The following BCKDHB variants were observed in gnomAD, a reference collection of about 807,000 sequenced individuals.
BCKDHB encodes branched chain keto acid dehydrogenase E1 subunit beta, also known as 2-oxoisovalerate dehydrogenase subunit beta, mitochondrial.
BCKDHB carries 41 observed loss-of-function variants against 48.5 expected under a neutral mutation model. That is an observed-to-expected ratio of 0.85 (90% confidence interval 0.66 to 1.10). The LOEUF (loss-of-function observed/expected upper bound fraction) is 1.10. BCKDHB is among the 50% of genes least tolerant of loss of function. The probability of loss-of-function intolerance (pLI) is 0.00; values close to 1 mark genes in which losing one functional copy is unlikely to be tolerated. For missense variants in BCKDHB, 496 were observed against 494.2 expected (o/e 1.00, Z -0.03); for synonymous variants, 201 against 174.8 (o/e 1.15, Z -1.18).
At chr6:80,464,725 C>T in the BCKDHB span, among the ~76,000 whole-genome samples, 5 of 152,198 alleles carry the variant, frequency 3.3e-5, no homozygotes, top group Admixed American at 1.3e-4. Flanking sequence ...CATTATACTG[C>T]TCTTCCACAT....
chr6:80,427,948 G>A, the BCKDHB span, among the ~76,000 whole-genome samples: 149 of 152,012 alleles, frequency 9.8e-4, no homozygotes, highest in African/African-American at 3.3e-3. Context: ...TTGTCAGATA[G>A]GTATACACGT....
chr6:80,345,446 C>T lies in BCKDHB; in HGVS notation c.*1642C>T, dbSNP rs892608971. 1 of 152,154 alleles carries T rather than the reference C, an allele frequency of 6.6e-6. No individual in the cohort carries two copies. The highest frequency in any genetic ancestry group is 2.4e-5 in the African/African-American group (1 of 41,428). 9.4% of individuals were successfully genotyped at this position (152,154 alleles called of 1,614,324 possible). On this transcript the variant is annotated 3_prime_UTR_variant, in exon 10 of 10. Coordinates refer to ENST00000320393, the MANE Select transcript of BCKDHB (RefSeq NM_183050.4). ...GCTCACTGAAAATCAGAGTGAAACGCCTTTACATTTGTGCGGATAGAGAAG... is the reference window on the plus strand; with the variant it reads ...GCTCACTGAAAATCAGAGTGAAACGTCTTTACATTTGTGCGGATAGAGAAG...
chr6:80,273,083 A>G, intron 8 of BCKDHB, 52 bp from the exon 9 acceptor site: 3 of 1,322,692 alleles, frequency 2.3e-6, no homozygotes, highest in Non-Finnish European at 3.2e-6. Flanking sequence ...CTACCATCAT[A>G]TATATAAAAT....
intron 9 of BCKDHB, among the ~76,000 whole-genome samples, chr6:80,312,460 A>G (rs76114392): frequency 0.018 from 2,713 of 152,244 alleles, 71 homozygotes; most frequent in African/African-American, 0.062. Flanking sequence ...TTCCAGGACT[A>G]TGTTGAATCA....
At chr6:80,148,915 A>C (rs1434229502) in intron 3 of BCKDHB, among the ~76,000 whole-genome samples, 1 of 152,220 alleles carries the variant, frequency 6.6e-6, no homozygotes, top group Non-Finnish European at 1.5e-5. Context: ...ATGGACAAGG[A>C]CTTCATGTCT....
At chr6:80,326,947 T>G (rs577502813) in intron 9 of BCKDHB, among the ~76,000 whole-genome samples, 3 of 152,310 alleles carry the variant, frequency 2.0e-5, no homozygotes, top group East Asian at 3.9e-4. Flanking sequence ...GAGCCTTGTT[T>G]ATTACTTGAC....
intron 8 of BCKDHB, among the ~76,000 whole-genome samples, chr6:80,207,491 TAGATAAC>T (rs1317716358): frequency 6.6e-6 from 1 of 151,768 alleles, no homozygotes; most frequent in East Asian, 1.9e-4. Context: ...GATGGGTCAA[TAGATAAC>T]AGATGATAAG....
chr6:80,240,510 T>C (rs1489150677), intron 8 of BCKDHB, among the ~76,000 whole-genome samples: 1 of 152,190 alleles, frequency 6.6e-6, no homozygotes, highest in Non-Finnish European at 1.5e-5. Flanking sequence ...TTTTTGCACA[T>C]TGATTTTTGT....
intron 9 of BCKDHB, among the ~76,000 whole-genome samples, chr6:80,340,525 T>A (rs967760437): frequency 1.2e-4 from 18 of 152,210 alleles, no homozygotes; most frequent in African/African-American, 3.9e-4. Context: ...ATAATACATG[T>A]AAGTCTCTCA....
intron 1 of BCKDHB, among the ~76,000 whole-genome samples, chr6:80,125,945 A>G (rs1337086367): frequency 2.0e-5 from 3 of 152,208 alleles, no homozygotes; most frequent in Admixed American, 2.0e-4. Flanking sequence ...TTCCATTTGT[A>G]AAAATTGCAA....
chr6:80,461,381 A>G, the BCKDHB span, among the ~76,000 whole-genome samples: 39 of 152,198 alleles, frequency 2.6e-4, no homozygotes, highest in African/African-American at 9.4e-4. Context: ...ATATCTGGTC[A>G]TATTCATTGT....
At chr6:80,325,715 T>G (rs2128005243) in intron 9 of BCKDHB, among the ~76,000 whole-genome samples, 1 of 152,316 alleles carries the variant, frequency 6.6e-6, no homozygotes, top group East Asian at 1.9e-4. Context: ...AAGTTTAAAT[T>G]GTCAAACTTC....
At chr6:80,397,965 G>T in the BCKDHB span, among the ~76,000 whole-genome samples, 15 of 152,132 alleles carry the variant, frequency 9.9e-5, no homozygotes, top group Non-Finnish European at 1.6e-4. Flanking sequence ...TAAACAAGTT[G>T]CTTCTGGGTT....
chr6:80,130,952 T>C (rs1770597824), intron 3 of BCKDHB, among the ~76,000 whole-genome samples: 1 of 152,186 alleles, frequency 6.6e-6, no homozygotes. Flanking sequence ...ATGTGCTTTC[T>C]GAATAGCTAA....
chr6:80,408,670 G>A, the BCKDHB span, among the ~76,000 whole-genome samples: 15 of 151,856 alleles, frequency 9.9e-5, no homozygotes, highest in Non-Finnish European at 2.1e-4. Context: ...TTCTCTGATG[G>A]TAGTTTGTGT....
intron 1 of BCKDHB, among the ~76,000 whole-genome samples, chr6:80,112,085 A>G (rs1386060371): frequency 1.3e-5 from 2 of 152,228 alleles, no homozygotes; most frequent in African/African-American, 4.8e-5. Context: ...TATTTACTTA[A>G]TTTATGAGCG....
rs1208285558 is a variant in BCKDHB at position 80,345,544 on chromosome 6, G to C, written c.*1740G>C. 1.3e-5 allele frequency: 2 copies of C among 152,160 alleles called. No homozygotes were observed. The highest frequency in any genetic ancestry group is 4.8e-5 in the African/African-American group (2 of 41,442). The allele number at this position is 152,160 out of a possible 1,614,324, so 9.4% of individuals were successfully genotyped here. ...CTGTCTGTTCTAGTCTAAGAATATT[G>C]TTATAGATGGAAGTTAGGACCATTA... On this transcript the variant is annotated 3_prime_UTR_variant, in exon 10 of 10. Transcript: ENST00000320393.
intron 3 of BCKDHB, among the ~76,000 whole-genome samples, chr6:80,130,699 A>G (rs1770584430): frequency 6.6e-6 from 1 of 152,272 alleles, no homozygotes; most frequent in African/African-American, 2.4e-5. Flanking sequence ...AAAATATAGA[A>G]AAGCATAAAG....
the BCKDHB span, among the ~76,000 whole-genome samples, chr6:80,402,606 A>T: frequency 3.3e-5 from 5 of 151,626 alleles, no homozygotes; most frequent in Admixed American, 2.6e-4. Flanking sequence ...AGCTTTTTAG[A>T]TGGATGTAAT....
Sources: allele counts gnomAD v4.1 joint callset (sites outside exome capture counted in the v4.1 genomes callset), GRCh38; gene constraint gnomAD v4.1.1; transcripts MANE v1.5; gene names NCBI Gene and HGNC (gene_info 2026-07-23, HGNC 2026-07-21).